KRT81: variants seen among roughly 807,000 people sequenced by gnomAD.
KRT81 encodes the protein keratin 81.
In KRT81, 35 loss-of-function variants were observed where a neutral mutation model predicts 35.8. That is an observed-to-expected ratio of 0.98 (90% CI 0.75 to 1.30). The LOEUF (loss-of-function observed/expected upper bound fraction) is 1.30. Ranked by LOEUF, KRT81 falls within the 50% of genes most tolerant of loss-of-function variation. The pLI is 0.00. For missense variants in KRT81, 531 were observed against 577.4 expected, an observed-to-expected ratio of 0.92 and a Z score of 0.82; for synonymous variants, 249 against 251.2, an observed-to-expected ratio of 0.99 and a Z score of 0.08.
rs79897879 is a variant in KRT81 at position 52,291,429 on chromosome 12, T to G, written c.37A>C (p.Ser13Arg). 31,821 of 1,612,270 alleles carry G rather than the reference T, an allele frequency of 0.02. 2,423 individuals carry two copies. The African/African-American group carries it at 0.22, about 11-fold the overall frequency. ...CGSGFGGRAF[S>R]CISACGPRPG... ...CGCGGCCCGCAGGCCGAGATGCAGC[T>G]GAAGGCGCGCCCACCAAATCCTGAT... Residue 13 changes from serine (S) to arginine (R), a missense_variant, in exon 1 of 9, where the codon AGC (serine) becomes CGC (arginine). Ser to Arg is a moderately radical substitution (Grantham distance 110, BLOSUM62 -1). This residue lies in a region of KRT81 where 133 missense variants were observed against 125.9 expected (regional missense o/e 1.06). Transcript: ENST00000327741.
At chr12:52,287,045 T>TA in intron 7 of KRT81, 57 bp downstream of exon 7, 1 of 1,612,108 alleles carries the variant, frequency 6.2e-7, no homozygotes, top group Non-Finnish European at 8.5e-7. Flanking sequence ...AGGCCAAGGG[T>TA]AGGCTTGTGC....
At chr12:52,288,609 G>T (rs1249811652) in intron 3 of KRT81, among the ~76,000 whole-genome samples, 153 bp from the exon 4 acceptor site, 1 of 152,054 alleles carries the variant, frequency 6.6e-6, no homozygotes, top group Non-Finnish European at 1.5e-5. Flanking sequence ...CCTGGGATGA[G>T]CTGGCATCCT....
intron 3 of KRT81, 97 bp from the exon 4 acceptor site, chr12:52,288,553 A>G: frequency 1.4e-6 from 2 of 1,417,420 alleles, no homozygotes; most frequent in Non-Finnish European, 2.0e-6. Context: ...AGGGGAAAGC[A>G]GTCCCTGGTG....
chr12:52,288,177 T>C, intron 4 of KRT81, 29 bp from the exon 5 acceptor site: 1 of 1,612,462 alleles, frequency 6.2e-7, no homozygotes. Flanking sequence ...GTGACTTTAG[T>C]TGAGAATACA....
rs1937995118 is a variant in KRT81, at chr12:52,287,667, T to C, written c.955A>G (p.Lys319Glu). The stretch of plus-strand genomic sequence containing the variant: ...CGGTTCAGCTCATTGATCTCCTCCT[T>C]GGTGCGGCGCAGGGTCTCCCCGTGC... ...IRHGETLRRT[K>E]EEINELNRMI... is the part of the protein sequence containing the mutation. The change falls in exon 6 of 9, where the codon AAG (lysine) becomes GAG (glutamate). Residue 319 changes from lysine (K) to glutamate (E), a missense_variant. Transcript: ENST00000327741. 1.1e-5 allele frequency: 18 copies of C among 1,613,924 alleles called. No individual in the cohort carries two copies. Among genetic ancestry groups the C allele is most frequent in the Non-Finnish European group, 1.4e-5 (17 of 1,179,848 alleles).
chr12:52,286,268 C>A lies in KRT81; in HGVS notation c.1505G>T (p.Cys502Phe). 1 of 1,553,906 alleles carries A rather than the reference C, an allele frequency of 6.4e-7. No individual in the cohort carries two copies. The highest frequency in any genetic ancestry group is 8.7e-7 in the Non-Finnish European group (1 of 1,148,300). The change falls in exon 9 of 9, where the codon TGC becomes TTC. Residue 502 changes from cysteine to phenylalanine, a missense_variant. By Grantham distance (205) the Cys-to-Phe change is radical. Transcript: ENST00000327741. ...GAGTTGGGGTGCCTAACATTTCCGG[C>A]AGCTGCTGCCGCAAGACCCCACACC... ...SLGVGSCGSS[C>F]RKC
chr12:52,288,056 G>A lies in KRT81; in HGVS notation c.828C>T (p.Ala276=), dbSNP rs575437435. 13 of 1,614,164 alleles carry A rather than the reference G, an allele frequency of 8.1e-6. No homozygotes were observed. The highest frequency in any genetic ancestry group is 1.3e-5 in the African/African-American group (1 of 75,006). Residue 276 remains alanine (A), a synonymous_variant, in exon 5 of 9, where the codon GCC becomes GCT. Transcript: ENST00000327741. ...SRDLNMDCII[A]EIKAQYDDIV... ...TGTCGTCATACTGTGCCTTAATCTC[G>A]GCAATGATGCAGTCCATGTTCAGGT...
rs750148762 is a variant in KRT81 at position 52,286,327 on chromosome 12, G to A, written c.1446C>T (p.Ser482=). The change falls in exon 9 of 9, where the codon TCC becomes TCT. Residue 482 remains serine (S), a synonymous_variant. Coordinates refer to ENST00000327741, the MANE Select transcript of KRT81 (RefSeq NM_002281.4). The part of the protein sequence containing the change: ...GQLNTTCGGG[S]CGVGSCGISS... Reference sequence around the variant, plus strand: ...TGATACCACAGGAGCCCACGCCGCAGGAACCCCCTCCGCAGGTGGTGTTCA... The same window carrying A: ...TGATACCACAGGAGCCCACGCCGCAAGAACCCCCTCCGCAGGTGGTGTTCA... 3.2e-6 allele frequency: 5 copies of A among 1,554,870 alleles called. No homozygotes were observed. The highest frequency in any genetic ancestry group is 4.4e-6 in the Non-Finnish European group (5 of 1,148,718).
In KRT81 at chr12:52,287,148, T is replaced by C; in HGVS notation, c.1201A>G (p.Ile401Val). The change falls in exon 7 of 9, where the codon ATC becomes GTC. Residue 401 changes from isoleucine (I) to valine (V), a missense_variant. By Grantham distance (29) the Ile-to-Val change is conservative (BLOSUM62 3). Transcript: ENST00000327741. The stretch of plus-strand genomic sequence containing the variant: ...AGGCGCCTGTAGGTGGCGATCTCGA[T>C]GTCCAGGCCCAGCTTGGAGTTCATC... ...EVMNSKLGLD[I>V]EIATYRRLLE... 1 of 1,613,518 alleles carries C rather than the reference T, an allele frequency of 6.2e-7. No individual in the cohort carries two copies. Among genetic ancestry groups the C allele is most frequent in the Non-Finnish European group, 8.5e-7 (1 of 1,180,012 alleles).
intron 3 of KRT81, 59 bp from the exon 4 acceptor site, chr12:52,288,515 T>C: frequency 1.3e-6 from 2 of 1,589,568 alleles, no homozygotes; most frequent in Non-Finnish European, 1.7e-6. Flanking sequence ...CCCAGACTCC[T>C]CTCTCTGCCC....
chr12:52,291,460 G>A lies in KRT81; in HGVS notation c.6C>T (p.Thr2=), dbSNP rs1193582034. The A allele has an allele frequency of 6.2e-7, 1 of 1,612,878 alleles. No homozygotes were observed. The highest frequency in any genetic ancestry group is 8.5e-7 in the Non-Finnish European group (1 of 1,179,520). M[T]CGSGFGGRAF... is the part of the protein sequence containing the mutation. ...CGCGCCCACCAAATCCTGATCCGCA[G>A]GTCATGATCCTCCTGGACGTTTGGG... Residue 2 remains threonine (T), a synonymous_variant, in exon 1 of 9, where the codon ACC becomes ACT. Coordinates refer to ENST00000327741, the MANE Select transcript of KRT81 (RefSeq NM_002281.4).
At position 52,286,449 on chromosome 12, in the gene KRT81, C is replaced by G. The variant is rs371683842; in HGVS notation, c.1324G>C (p.Val442Leu). Residue 442 changes from valine to leucine, a missense_variant, in exon 9 of 9, where the codon GTG becomes CTG. Physicochemically the swap from Val to Leu is conservative, Grantham distance 32. Coordinates refer to ENST00000327741, the MANE Select transcript of KRT81 (RefSeq NM_002281.4). ...CCAGTCACTGGCCGGGAGCCTGACA[C>G]GCAGAGGTCCCCGCACACGACCCCG... Reference protein sequence around the residue: ...RGGVVCGDLCVSGSRPVTGSV... With the variant: ...RGGVVCGDLCLSGSRPVTGSV... 1 of 1,552,810 alleles carries G rather than the reference C, an allele frequency of 6.4e-7. No individual in the cohort carries two copies. Among genetic ancestry groups the G allele is most frequent in the Non-Finnish European group, 8.7e-7 (1 of 1,147,940 alleles).
At position 52,288,162 on chromosome 12, in the gene KRT81, G is replaced by A. The variant is rs1196973796; in HGVS notation, c.736-14C>T. On this transcript the variant is annotated splice_polypyrimidine_tract_variant and intron_variant, in intron 4 of 8. Transcript: ENST00000327741. ...AATGAGGATCTCCTGCAGGAGGTGA[G>A]GGCAGTGACTTTAGTTGAGAATACA... 5 of 1,614,004 alleles carry A rather than the reference G, an allele frequency of 3.1e-6. No individual in the cohort carries two copies. Among genetic ancestry groups the A allele is most frequent in the Non-Finnish European group, 4.2e-6 (5 of 1,179,954 alleles).
At position 52,291,189 on chromosome 12, in the gene KRT81, G is replaced by T; in HGVS notation, c.277C>A (p.Leu93Met). ...CACTGCGCGTTGGGGTCGATCTCCA[G>T]GTTGAGGGGCGTGAGGAGGCTCTCG... ...VNESLLTPLN[L>M]EIDPNAQCVK... is the part of the protein sequence containing the mutation. The change falls in exon 1 of 9, where the codon CTG becomes ATG. Residue 93 changes from leucine to methionine, a missense_variant. Coordinates refer to ENST00000327741, the MANE Select transcript of KRT81 (RefSeq NM_002281.4). 6.7e-6 allele frequency: 9 copies of T among 1,338,368 alleles called. No individual in the cohort carries two copies. The highest frequency in any genetic ancestry group is 9.1e-6 in the Non-Finnish European group (9 of 988,448). 82.9% of individuals were successfully genotyped at this position (1,338,368 alleles called of 1,614,324 possible).
At position 52,288,110 on chromosome 12, in the gene KRT81, G is replaced by C; in HGVS notation, c.774C>G (p.Ser258=). The C allele has an allele frequency of 6.2e-6, 10 of 1,614,128 alleles. No individual in the cohort carries two copies. Among genetic ancestry groups the C allele is most frequent in the Non-Finnish European group, 8.5e-6 (10 of 1,180,008 alleles). The change falls in exon 5 of 9, where the codon TCC becomes TCG. Residue 258 remains serine (S), a synonymous_variant. Transcript: ENST00000327741. The part of the protein sequence containing the change: ...LILQSHISDT[S]VVVKLDNSRD... ...GGCTGTTGTCCAGCTTGACAACCACGGAGGTGTCTGAGATGTGCGACTGGA... is the reference window on the plus strand; with the variant it reads ...GGCTGTTGTCCAGCTTGACAACCACCGAGGTGTCTGAGATGTGCGACTGGA...
Position 52,286,208 on chromosome 12 carries a change from G to T in KRT81, c.*47C>A. On this transcript the variant is annotated 3_prime_UTR_variant, in exon 9 of 9. Transcript: ENST00000327741. ...CGCCTGGACTGGATGGGCCAAGCAA[G>T]GCAGGGCAGGAAAGATGCCTGGGGC... 1 of 1,494,108 alleles carries T rather than the reference G, an allele frequency of 6.7e-7. No individual in the cohort carries two copies. The allele number at this position is 1,494,108 out of a possible 1,614,324, so 92.6% of individuals were successfully genotyped here. A position where few individuals can be genotyped will look rare whatever the true frequency, so the allele number is the denominator to read the frequency against.
intron 6 of KRT81, 134 bp from the exon 7 acceptor site, chr12:52,287,456 A>G: frequency 1.3e-6 from 2 of 1,576,542 alleles, no homozygotes; most frequent in African/African-American, 2.7e-5. Flanking sequence ...CCTGGGACTC[A>G]TTGAGAGACC....
intron 8 of KRT81, 70 bp from the exon 9 acceptor site, chr12:52,286,563 G>T (rs1476554712): frequency 2.8e-6 from 4 of 1,447,880 alleles, no homozygotes; most frequent in Non-Finnish European, 3.8e-6. Flanking sequence ...AACCGCCCCT[G>T]CCCAAGACCT....
Position 52,287,085 on chromosome 12 carries a change from C to A in KRT81, c.1247+17G>T. On this transcript the variant is annotated intron_variant, in intron 7 of 8. Coordinates refer to ENST00000327741, the MANE Select transcript of KRT81 (RefSeq NM_002281.4). The stretch of plus-strand genomic sequence containing the variant: ...GATGGGGAAGGGTGGTTCTGGGCCA[C>A]CCTTGGTTGGACCCACCTCTGCTCC... 1 of 1,612,768 alleles carries A rather than the reference C, an allele frequency of 6.2e-7. No individual in the cohort carries two copies. Among genetic ancestry groups the A allele is most frequent in the Non-Finnish European group, 8.5e-7 (1 of 1,179,888 alleles).
Sources: allele counts gnomAD v4.1 joint callset (sites outside exome capture counted in the v4.1 genomes callset), GRCh38; gene constraint gnomAD v4.1.1; regional missense constraint gnomAD v4.1.1; transcripts MANE v1.5; gene names NCBI Gene and HGNC (gene_info 2026-07-23, HGNC 2026-07-21).